WNK3: variants seen among roughly 807,000 people sequenced by gnomAD.
The protein encoded by WNK3 is serine/threonine-protein kinase WNK3.
A neutral mutation model predicts 116.7 loss-of-function variants in WNK3; 18 were observed. The ratio of observed to expected loss-of-function variants is 0.15; its 90% confidence interval spans 0.11 to 0.23. WNK3 has a LOEUF of 0.23. WNK3 is among the 10% of genes least tolerant of loss of function. WNK3 has a pLI of 1.00. For synonymous variants in WNK3, 404 were observed against 469.4 expected (o/e 0.86, Z 1.80); for missense variants, 993 against 1,323.8 (o/e 0.75, Z 3.88).
intron 1 of WNK3, among the ~76,000 whole-genome samples, chrX:54,349,807 G>T (rs1453988060): frequency 9.0e-6 from 1 of 111,591 alleles, no homozygotes; most frequent in African/African-American, 3.3e-5. Context: ...TGAGCCTTAG[G>T]AGTTGAAGGC....
intron 10 of WNK3, 67 bp from the exon 11 acceptor site, chrX:54,259,405 T>C (rs1407023506): frequency 8.9e-5 from 62 of 700,521 alleles, no homozygotes; most frequent in Non-Finnish European, 9.3e-5. Flanking sequence ...ATACAATTTG[T>C]TACTATTCAG....
intron 10 of WNK3, among the ~76,000 whole-genome samples, chrX:54,274,427 C>T (rs2068417665): frequency 9.0e-6 from 1 of 111,599 alleles, no homozygotes; most frequent in South Asian, 3.8e-4. Context: ...TAATCTCTAC[C>T]TTCACGCTTA....
chrX:54,222,615 G>A (rs940098764), intron 22 of WNK3, among the ~76,000 whole-genome samples: 145 of 106,997 alleles, frequency 1.4e-3, no homozygotes, highest in African/African-American at 4.6e-3. Flanking sequence ...GGTGGCTCAC[G>A]CCTGTAATTC....
chrX:54,292,106 GACAAAAAC>G (rs2068645734), intron 10 of WNK3, among the ~76,000 whole-genome samples: 1 of 111,640 alleles, frequency 9.0e-6, no homozygotes, highest in Non-Finnish European at 1.9e-5. Context: ...GAGTCTGAAA[GACAAAAAC>G]ACTTCTTATT....
intron 13 of WNK3, among the ~76,000 whole-genome samples, chrX:54,252,823 G>A (rs782131505): frequency 2.7e-5 from 3 of 110,448 alleles, no homozygotes; most frequent in Non-Finnish European, 5.7e-5. Context: ...ATTCTGCTTG[G>A]CTAGAAATGC....
intron 7 of WNK3, 53 bp from the exon 8 acceptor site, chrX:54,294,900 C>CTTTT: frequency 1.1e-6 from 1 of 899,610 alleles, no homozygotes; most frequent in Non-Finnish European, 1.5e-6. Context: ...AAGATTTTAA[C>CTTTT]TTTTTTTTTT....
At chrX:54,215,417 C>T (rs933905428) in intron 22 of WNK3, among the ~76,000 whole-genome samples, 4 of 112,599 alleles carry the variant, frequency 3.6e-5, no homozygotes, top group Admixed American at 9.4e-5. Context: ...TCTCCAGCTC[C>T]CGACCGCGAG....
chrX:54,251,318 C>T, intron 15 of WNK3, 81 bp downstream of exon 15: 1 of 651,644 alleles, frequency 1.5e-6, no homozygotes, highest in East Asian at 3.6e-5. Flanking sequence ...TGGCTAACAT[C>T]TTTCCCAATG....
Position 54,238,417 on chromosome X carries a change from C to T in WNK3, c.3939G>A (p.Arg1313=), listed in dbSNP as rs1557150735. The stretch of plus-strand genomic sequence containing the variant: ...AAGCCCTAGTATCAGCTGTGGACTC[C>T]CGTGTCAGAGGAATGGGATCAGGAG... The change falls in exon 19 of 24, where the codon CGG becomes CGA. Residue 1313 remains arginine, a synonymous_variant. Coordinates refer to ENST00000354646, the Ensembl canonical transcript of WNK3. The T allele has an allele frequency of 2.5e-6, 3 of 1,210,997 alleles. No homozygotes were observed. In the Admixed American group the frequency reaches 6.5e-5, roughly 26 times the overall value.
At chrX:54,216,292 AATATAT>A (rs782332737) in intron 22 of WNK3, among the ~76,000 whole-genome samples, 1 of 99,129 alleles carries the variant, frequency 1.0e-5, no homozygotes. Context: ...TAAATACTAA[AATATAT>A]ATATATATAT....
chrX:54,282,392 A>G (rs1557162713), intron 10 of WNK3, among the ~76,000 whole-genome samples: 1 of 110,915 alleles, frequency 9.0e-6, no homozygotes, highest in African/African-American at 3.3e-5. Context: ...TCCCATCAAC[A>G]GTGTACAAGG....
chrX:54,277,009 G>A (rs1483351566), intron 10 of WNK3, among the ~76,000 whole-genome samples: 1 of 112,083 alleles, frequency 8.9e-6, no homozygotes. Context: ...TAGCCACCGC[G>A]CCTGGCCAAC....
intron 10 of WNK3, among the ~76,000 whole-genome samples, chrX:54,283,938 AC>A (rs1474604221): frequency 9.1e-6 from 1 of 109,339 alleles, no homozygotes; most frequent in Non-Finnish European, 1.9e-5. Context: ...TGAACCATGG[AC>A]TTAAACATAA....
At chrX:54,253,908 GA>G in intron 13 of WNK3, 50 bp downstream of exon 13, 1 of 852,474 alleles carries the variant, frequency 1.2e-6, no homozygotes, top group Admixed American at 2.5e-5. Flanking sequence ...AATTATAGGG[GA>G]AAAAAGACAG....
At chrX:54,312,468 C>T (rs782221066) in intron 2 of WNK3, among the ~76,000 whole-genome samples, 151 of 110,839 alleles carry the variant, frequency 1.4e-3, no homozygotes, top group African/African-American at 4.8e-3. Context: ...GACGGAGTCT[C>T]GCTCCATTGC....
chrX:54,302,768 TTTTTTTA>T (rs1254149940), intron 5 of WNK3, among the ~76,000 whole-genome samples: 5 of 77,525 alleles, frequency 6.4e-5, no homozygotes, highest in Non-Finnish European at 1.2e-4. Context: ...TTTTTTTTTT[TTTTTTTA>T]TTTTTAAGAC....
chrX:54,278,212 G>C (rs1557161490), intron 10 of WNK3, among the ~76,000 whole-genome samples: 1 of 110,664 alleles, frequency 9.0e-6, no homozygotes, highest in African/African-American at 3.3e-5. Flanking sequence ...ACAAAATGCT[G>C]ATGAAAGAAA....
intron 17 of WNK3, among the ~76,000 whole-genome samples, chrX:54,247,249 CAACAAAGTTTA>C (rs1221553998): frequency 3.6e-5 from 4 of 111,165 alleles, no homozygotes. Context: ...CTCCTTCAAG[CAACAAAGTTTA>C]AATGACAGAA....
chrX:54,292,864 C>T (rs782785202), intron 10 of WNK3, 24 bp downstream of exon 10: 1 of 1,197,321 alleles, frequency 8.4e-7, no homozygotes, highest in South Asian at 1.8e-5. Context: ...TAAATGAATA[C>T]AGAACCTCTA....
Sources: allele counts gnomAD v4.1 joint callset (sites outside exome capture counted in the v4.1 genomes callset), GRCh38; gene constraint gnomAD v4.1.1; transcripts MANE v1.5; gene names NCBI Gene and HGNC (gene_info 2026-07-23, HGNC 2026-07-21).